KCNN2: variants seen among roughly 807,000 people sequenced by gnomAD.
The protein encoded by KCNN2 is small conductance calcium-activated potassium channel protein 2.
In KCNN2, 24 loss-of-function variants were observed where a neutral mutation model predicts 55.5. That is an observed-to-expected ratio of 0.43 (90% CI 0.31 to 0.61). KCNN2 has a LOEUF of 0.61. KCNN2 is among the 20% of genes least tolerant of loss of function. The pLI is 0.08. For missense variants in KCNN2, 754 were observed against 853.6 expected, an observed-to-expected ratio of 0.88 and a Z score of 1.45; for synonymous variants, 431 against 336.1, an observed-to-expected ratio of 1.28 and a Z score of -3.09.
chr5:114,493,615 C>A (rs151006798), intron 7 of KCNN2, 143 bp downstream of exon 7: 10,270 of 643,510 alleles, frequency 0.016, 122 homozygotes, highest in Non-Finnish European at 0.022. Flanking sequence ...AATGATGGTC[C>A]AACTTAAAAG....
At chr5:114,484,028 C>A (rs980682496) in intron 5 of KCNN2, among the ~76,000 whole-genome samples, 1 of 152,038 alleles carries the variant, frequency 6.6e-6, no homozygotes, top group Non-Finnish European at 1.5e-5. Flanking sequence ...AATCTGTATA[C>A]CCTTGTTATC....
At chr5:114,142,128 T>G (rs983408801) in intron 1 of KCNN2, among the ~76,000 whole-genome samples, 2 of 152,234 alleles carry the variant, frequency 1.3e-5, no homozygotes, top group African/African-American at 4.8e-5. Flanking sequence ...AGAAGCTGTT[T>G]AGTTTAATGA....
intron 2 of KCNN2, among the ~76,000 whole-genome samples, chr5:114,322,214 G>C (rs933405756): frequency 1.3e-5 from 2 of 152,136 alleles, no homozygotes; most frequent in African/African-American, 2.4e-5. Flanking sequence ...TCCTCAACCA[G>C]AAAATGACAG....
intron 2 of KCNN2, among the ~76,000 whole-genome samples, chr5:114,307,052 T>TGTTA (rs926779101): frequency 1.3e-5 from 2 of 152,234 alleles, no homozygotes; most frequent in African/African-American, 2.4e-5. Context: ...CTAGTATCAG[T>TGTTA]GTTAGACCCT....
chr5:114,344,264 A>C (rs1288745162), intron 2 of KCNN2, among the ~76,000 whole-genome samples: 1 of 152,170 alleles, frequency 6.6e-6, no homozygotes, highest in Non-Finnish European at 1.5e-5. Context: ...TGCAAATATG[A>C]GGGGTTCCCA....
chr5:114,423,800 G>A (rs1242067824), intron 3 of KCNN2, among the ~76,000 whole-genome samples: 1 of 152,130 alleles, frequency 6.6e-6, no homozygotes, highest in Non-Finnish European at 1.5e-5. Flanking sequence ...CTCAGGGGAA[G>A]ACTTTCTAGA....
chr5:114,269,562 T>C (rs1755280352), intron 2 of KCNN2, among the ~76,000 whole-genome samples: 1 of 151,856 alleles, frequency 6.6e-6, no homozygotes, highest in Non-Finnish European at 1.5e-5. Flanking sequence ...CTGAACACTG[T>C]AGACCTTCCT....
rs1249667784 is a variant in KCNN2 at position 114,440,725 on chromosome 5, G to A, written c.1638-22324G>A. ...GAATTCTAAGTCTACAATCAAGTAT[G>A]TCTTGTTAAAAGTTATAAGTATAAC... On this transcript the variant is annotated intron_variant, in intron 3 of 7. Transcript: ENST00000673685. 2.6e-5 allele frequency among the ~76,000 whole-genome samples: 4 copies of A among 152,098 alleles called. No homozygotes were observed. In the East Asian group the frequency reaches 5.8e-4, roughly 22 times the overall value.
intron 1 of KCNN2, among the ~76,000 whole-genome samples, chr5:114,107,767 A>G (rs75887180): frequency 0.046 from 6,988 of 152,120 alleles, 530 homozygotes; most frequent in African/African-American, 0.16. Flanking sequence ...TATAGGAATT[A>G]CATCAATTTT....
At chr5:114,074,325 T>C (rs1236125997) in intron 1 of KCNN2, among the ~76,000 whole-genome samples, 1 of 142,250 alleles carries the variant, frequency 7.0e-6, no homozygotes, top group Non-Finnish European at 1.5e-5. Context: ...TGTGTGTGTG[T>C]GTGTGCGCGC....
chr5:114,206,356 T>C (rs956166422), intron 1 of KCNN2, among the ~76,000 whole-genome samples: 36 of 152,120 alleles, frequency 2.4e-4, no homozygotes, highest in African/African-American at 8.4e-4. Context: ...AGTGTTTCCA[T>C]TTGCTAGTTA....
intron 1 of KCNN2, among the ~76,000 whole-genome samples, chr5:114,156,088 A>G (rs1430503795): frequency 6.6e-6 from 1 of 152,004 alleles, no homozygotes; most frequent in Non-Finnish European, 1.5e-5. Context: ...TAATGTTTCC[A>G]TCTTCTGCAT....
intron 2 of KCNN2, among the ~76,000 whole-genome samples, chr5:114,343,361 T>A (rs559037920): frequency 1.3e-5 from 2 of 152,264 alleles, no homozygotes; most frequent in South Asian, 4.1e-4. Flanking sequence ...AGATATACTA[T>A]TTTCCAAGTT....
intron 2 of KCNN2, among the ~76,000 whole-genome samples, chr5:114,273,876 G>A (rs991434720): frequency 6.6e-6 from 1 of 152,114 alleles, no homozygotes; most frequent in South Asian, 2.1e-4. Context: ...GTCAATTTTG[G>A]CTTTTGTTGC....
chr5:114,279,812 C>A (rs1353398522), intron 2 of KCNN2, among the ~76,000 whole-genome samples: 1 of 151,992 alleles, frequency 6.6e-6, no homozygotes, highest in South Asian at 2.1e-4. Flanking sequence ...TGGGTATATA[C>A]CCAGTAATGG....
At chr5:114,133,198 A>G (rs997410426) in intron 1 of KCNN2, among the ~76,000 whole-genome samples, 1 of 151,898 alleles carries the variant, frequency 6.6e-6, no homozygotes, top group Non-Finnish European at 1.5e-5. Context: ...TCTGATTCCC[A>G]TCAGATTTTT....
chr5:114,375,949 A>AGT (rs1479017147), intron 2 of KCNN2, among the ~76,000 whole-genome samples: 161 of 42,608 alleles, frequency 3.8e-3, no homozygotes, highest in African/African-American at 4.0e-3. Flanking sequence ...AAAGACTCAC[A>AGT]GTGTATATAT....
chr5:114,295,215 T>C (rs945144296), intron 2 of KCNN2, among the ~76,000 whole-genome samples: 1 of 152,170 alleles, frequency 6.6e-6, no homozygotes, highest in Non-Finnish European at 1.5e-5. Flanking sequence ...GGAGAACCGC[T>C]ACTCTCTTCA....
intron 1 of KCNN2, among the ~76,000 whole-genome samples, chr5:114,218,551 A>C (rs1209692452): frequency 2.0e-5 from 3 of 152,228 alleles, no homozygotes; most frequent in African/African-American, 7.2e-5. Context: ...AATTATGTAG[A>C]CAGCAAAAAG....
Sources: allele counts gnomAD v4.1 joint callset (sites outside exome capture counted in the v4.1 genomes callset), GRCh38; gene constraint gnomAD v4.1.1; transcripts MANE v1.5; gene names NCBI Gene and HGNC (gene_info 2026-07-23, HGNC 2026-07-21).